The following KCNH7 variants were observed in gnomAD, a reference collection of about 807,000 sequenced individuals.
KCNH7 encodes voltage-gated inwardly rectifying potassium channel KCNH7.
KCNH7 carries 49 observed loss-of-function variants against 120.8 expected under a neutral mutation model. The ratio of observed to expected loss-of-function variants is 0.41; its 90% CI spans 0.32 to 0.51. KCNH7 has a LOEUF of 0.51. KCNH7 is among the 20% of genes least tolerant of loss of function. KCNH7 has a pLI of 0.38. For missense variants in KCNH7, 1,097 were observed against 1,446.6 expected, an observed-to-expected ratio of 0.76 and a Z score of 3.92; for synonymous variants, 547 against 516.1, an observed-to-expected ratio of 1.06 and a Z score of -0.81.
chr2:162,451,307 C>T (rs1169850632), intron 6 of KCNH7, among the ~76,000 whole-genome samples: 1 of 151,988 alleles, frequency 6.6e-6, no homozygotes, highest in Non-Finnish European at 1.5e-5. Context: ...CTAGGGTTAT[C>T]TGTTGAAATC....
At chr2:162,441,670 C>A (rs76471410) in intron 7 of KCNH7, among the ~76,000 whole-genome samples, 7,237 of 151,994 alleles carry the variant, frequency 0.048, 611 homozygotes, top group African/African-American at 0.17. Context: ...AGCTAAATAC[C>A]GGAAAATATG....
At chr2:162,494,905 T>A (rs1690444395) in intron 6 of KCNH7, among the ~76,000 whole-genome samples, 1 of 152,172 alleles carries the variant, frequency 6.6e-6, no homozygotes, top group Non-Finnish European at 1.5e-5. Flanking sequence ...ACTGAATTAA[T>A]CATTTAACTT....
chr2:162,741,562 A>C (rs1216224600), intron 2 of KCNH7, among the ~76,000 whole-genome samples: 5 of 152,044 alleles, frequency 3.3e-5, no homozygotes, highest in African/African-American at 9.7e-5. Flanking sequence ...CATGCTCATA[A>C]ATTTTTGTAA....
chr2:162,566,847 A>T (rs902236979), intron 2 of KCNH7, among the ~76,000 whole-genome samples: 1 of 152,044 alleles, frequency 6.6e-6, no homozygotes, highest in African/African-American at 2.4e-5. Flanking sequence ...TATCCAAAGG[A>T]AAAGTGAAAC....
At chr2:162,559,763 A>G (rs145825380) in intron 2 of KCNH7, among the ~76,000 whole-genome samples, 1 of 152,334 alleles carries the variant, frequency 6.6e-6, no homozygotes, top group East Asian at 1.9e-4. Flanking sequence ...ATGTGTCTGG[A>G]TGAACTATAT....
chr2:162,802,705 T>C (rs925171672), intron 2 of KCNH7, among the ~76,000 whole-genome samples: 1 of 151,744 alleles, frequency 6.6e-6, no homozygotes, highest in Non-Finnish European at 1.5e-5. Context: ...TGTAACAATA[T>C]ACAGTAATTA....
intron 2 of KCNH7, among the ~76,000 whole-genome samples, chr2:162,659,883 G>T (rs1684900146): frequency 6.6e-6 from 1 of 151,964 alleles, no homozygotes; most frequent in African/African-American, 2.4e-5. Flanking sequence ...TAAATTTCTG[G>T]TAGAACTCAC....
chr2:162,791,268 T>A lies in KCNH7; in HGVS notation c.307+45269A>T, dbSNP rs540514893. Among the ~76,000 whole-genome samples, 3 of 152,154 alleles carry A rather than the reference T, an allele frequency of 2.0e-5. No homozygotes were observed. In the South Asian group the frequency reaches 6.2e-4, roughly 32 times the overall value. On this transcript the variant is annotated intron_variant, in intron 2 of 15. Coordinates refer to ENST00000332142, the MANE Select transcript of KCNH7 (RefSeq NM_033272.4). ...CCTTGTCTATTTGGGCTTTTTGTTG[T>A]TGTTGTTTCTTATGAATTTTAAAAA...
chr2:162,444,071 C>A (rs999416062), intron 7 of KCNH7, among the ~76,000 whole-genome samples: 8 of 152,186 alleles, frequency 5.3e-5, no homozygotes, highest in Admixed American at 2.6e-4. Flanking sequence ...AATTAGCCAT[C>A]CATCCAGGTC....
At chr2:162,497,966 C>G (rs1458466314) in intron 6 of KCNH7, among the ~76,000 whole-genome samples, 4 of 152,042 alleles carry the variant, frequency 2.6e-5, no homozygotes, top group Non-Finnish European at 4.4e-5. Context: ...GATTATATGG[C>G]TTTTTTAATA....
At position 162,536,914 on chromosome 2, in the gene KCNH7, C is replaced by T; in HGVS notation, c.463+11G>A. On this transcript the variant is annotated intron_variant, in intron 3 of 15. Coordinates refer to ENST00000332142, the MANE Select transcript of KCNH7 (RefSeq NM_033272.4). ...ATCAAGAGCATTGAGTACACATTGC[C>T]TTTTACTTACGGTTTACAGTTTTGA... 6.2e-7 allele frequency: 1 copy of T among 1,609,606 alleles called. No homozygotes were observed. The highest frequency in any genetic ancestry group is 8.5e-7 in the Non-Finnish European group (1 of 1,176,810).
chr2:162,627,674 C>T (rs1036468925), intron 2 of KCNH7, among the ~76,000 whole-genome samples: 2 of 152,154 alleles, frequency 1.3e-5, no homozygotes, highest in African/African-American at 4.8e-5. Flanking sequence ...CACTCAGGAA[C>T]TTGTGGTGGC....
chr2:162,541,809 C>A (rs1692311841), intron 2 of KCNH7, among the ~76,000 whole-genome samples: 1 of 152,052 alleles, frequency 6.6e-6, no homozygotes, highest in South Asian at 2.1e-4. Flanking sequence ...ACCTGTGTAA[C>A]AAACCTGCAC....
At chr2:162,410,628 C>T (rs1458897006) in intron 9 of KCNH7, among the ~76,000 whole-genome samples, 3 of 151,942 alleles carry the variant, frequency 2.0e-5, no homozygotes, top group African/African-American at 7.3e-5. Context: ...AGATTCTGCA[C>T]AGCAAAAGAA....
chr2:162,621,777 A>G (rs113964510), intron 2 of KCNH7, among the ~76,000 whole-genome samples: 1 of 152,170 alleles, frequency 6.6e-6, no homozygotes. Flanking sequence ...ATTGTTCACT[A>G]TACAAAGTAA....
At position 162,683,051 on chromosome 2, in the gene KCNH7, G is replaced by A. The variant is rs1170814225; in HGVS notation, c.308-145971C>T. 2.0e-5 allele frequency among the ~76,000 whole-genome samples: 3 copies of A among 151,870 alleles called. No individual in the cohort carries two copies. In the Admixed American group the frequency reaches 2.0e-4, roughly 10 times the overall value. ...AGAGAAGATGATATTGAAATAGGAA[G>A]TGCTGAAGCAAGAGTAAAAATTTCA... On this transcript the variant is annotated intron_variant, in intron 2 of 15. Coordinates refer to ENST00000332142, the MANE Select transcript of KCNH7 (RefSeq NM_033272.4).
intron 2 of KCNH7, among the ~76,000 whole-genome samples, chr2:162,668,544 G>C (rs995899602): frequency 6.6e-6 from 1 of 152,092 alleles, no homozygotes; most frequent in Non-Finnish European, 1.5e-5. Flanking sequence ...CAGAACAAAA[G>C]TGATACAGGG....
At chr2:162,540,238 T>C (rs1234300621) in intron 2 of KCNH7, among the ~76,000 whole-genome samples, 2 of 152,126 alleles carry the variant, frequency 1.3e-5, no homozygotes, top group African/African-American at 4.8e-5. Context: ...TATTAGCTAT[T>C]ATTTATAAAA....
chr2:162,738,067 CAAAAAAA>C lies in KCNH7; in HGVS notation c.307+98463_307+98469del, dbSNP rs58433565. 9.0e-3 allele frequency among the ~76,000 whole-genome samples: 504 copies of C among 56,024 alleles called. 1 individual carries two copies. Among genetic ancestry groups the C allele is most frequent in the Non-Finnish European group, 0.016 (407 of 25,088 alleles). The allele number at this position is 56,024 out of a possible 152,430, so 36.8% of individuals were successfully genotyped here. Reference sequence around the variant, plus strand: ...CGGCAGAGAGAGGAAGACTTCATATCAAAAAAAAAAAAAAAAAAAAAAAAGTTGTGAA... The same window carrying C: ...CGGCAGAGAGAGGAAGACTTCATATCAAAAAAAAAAAAAAAAAGTTGTGAA... On this transcript the variant is annotated intron_variant, in intron 2 of 15. Coordinates refer to ENST00000332142, the MANE Select transcript of KCNH7 (RefSeq NM_033272.4).
Sources: gnomAD v4.1 joint callset for allele counts (sites outside exome capture counted in the v4.1 genomes callset) on GRCh38, gnomAD v4.1.1 for gene constraint, MANE v1.5 for transcripts, NCBI Gene and HGNC (gene_info 2026-07-23, HGNC 2026-07-21) for gene names.